KDM6B: variants seen among roughly 807,000 people sequenced by gnomAD.
KDM6B encodes lysine demethylase 6B.
A neutral mutation model predicts 150.4 loss-of-function variants in KDM6B; 22 were observed. The ratio of observed to expected loss-of-function variants is 0.15; its 90% CI spans 0.10 to 0.21. The LOEUF is 0.21. Ranked by LOEUF, KDM6B falls within the 10% of genes least tolerant of loss-of-function variation. KDM6B has a pLI of 1.00. For missense variants in KDM6B, 1,984 were observed against 2,234.3 expected (o/e 0.89, Z 2.26); for synonymous variants, 1,148 against 921.1 (o/e 1.25, Z -4.46).
chr17:7,850,173 G>A lies in KDM6B; in HGVS notation c.3669G>A (p.Arg1223=). The A allele has an allele frequency of 6.2e-6, 10 of 1,612,896 alleles. No homozygotes were observed. Among genetic ancestry groups the A allele is most frequent in the Non-Finnish European group, 8.5e-6 (10 of 1,179,544 alleles). The change falls in exon 14 of 24, where the codon CGG becomes CGA. Residue 1223 remains arginine, a synonymous_variant. Transcript: ENST00000448097. ...TCCGGGGCCTGGCGGGCTCCCTGCGGCTCAGTGAGTATGGGGGGCAGAAAG... is the reference window on the plus strand; with the variant it reads ...TCCGGGGCCTGGCGGGCTCCCTGCGACTCAGTGAGTATGGGGGGCAGAAAG... ...TVIRGLAGSL[R]LNLGLFSTKT...
chr17:7,837,674 T>C (rs2078352341), intron 1 of KDM6B, among the ~76,000 whole-genome samples: 1 of 152,172 alleles, frequency 6.6e-6, no homozygotes, highest in Non-Finnish European at 1.5e-5. Context: ...CATTTAAATA[T>C]CAACACCTAC....
chr17:7,853,406 A>G, intron 23 of KDM6B, 26 bp downstream of exon 23: 2 of 1,534,592 alleles, frequency 1.3e-6, no homozygotes, highest in Non-Finnish European at 1.7e-6. Flanking sequence ...GCGCGCGGGC[A>G]GCGGAGGAGG....
rs1175082174 is a variant in KDM6B, at chr17:7,847,280, A to G, written c.1085A>G (p.Glu362Gly). Residue 362 changes from glutamate (E) to glycine (G), a missense_variant, in exon 11 of 24, where the codon GAG becomes GGG. Coordinates refer to ENST00000448097, the MANE Select transcript of KDM6B (RefSeq NM_001348716.2). The part of the protein sequence containing the change: ...ATRPPGSDLR[E>G]SRVQRSRMDS... ...CGTCCCCCCGGAAGTGACCTTAGAG[A>G]GAGCAGAGTTCAGAGGTCGCGGATG... The G allele has an allele frequency of 6.2e-7, 1 of 1,603,372 alleles. No homozygotes were observed. The highest frequency in any genetic ancestry group is 8.5e-7 in the Non-Finnish European group (1 of 1,179,246).
chr17:7,851,910 C>T (rs1288487627), intron 18 of KDM6B, 41 bp from the exon 19 acceptor site: 2 of 1,607,924 alleles, frequency 1.2e-6, no homozygotes, highest in African/African-American at 1.3e-5. Context: ...GATCGCAGTT[C>T]CGACCTGGCC....
In KDM6B at chr17:7,844,849, C is replaced by T. The variant is rs2078497677; in HGVS notation, c.-268-52C>T. On this transcript the variant is annotated intron_variant, in intron 2 of 23. Transcript: ENST00000448097. This position sits in a 1 kb window ranked among gnomAD's most constrained non-coding sequence, Gnocchi z 5.9. ...CGTCTGACCGGCTCCCGCGCCCCTCCTCCCCCGGCCACCGCTGCCGGGCTC... is the reference window on the plus strand; with the variant it reads ...CGTCTGACCGGCTCCCGCGCCCCTCTTCCCCCGGCCACCGCTGCCGGGCTC... The T allele has an allele frequency of 6.3e-6, 1 of 158,166 alleles. No homozygotes were observed. The highest frequency in any genetic ancestry group is 1.4e-5 in the Non-Finnish European group (1 of 70,862). 9.8% of individuals were successfully genotyped at this position (158,166 alleles called of 1,614,324 possible).
chr17:7,846,004 G>C, intron 6 of KDM6B, 34 bp downstream of exon 6: 1 of 1,606,212 alleles, frequency 6.2e-7, no homozygotes, highest in African/African-American at 1.3e-5. Context: ...GGGAGTGGGA[G>C]GTAAGGCTGG....
At chr17:7,842,179 T>C (rs926690206) in intron 2 of KDM6B, among the ~76,000 whole-genome samples, 13 of 149,478 alleles carry the variant, frequency 8.7e-5, no homozygotes, top group African/African-American at 3.2e-4. Context: ...GAGAGTTAAG[T>C]GGGTGTGATT....
chr17:7,852,389 C>A, intron 20 of KDM6B, 53 bp downstream of exon 20: 1 of 1,581,488 alleles, frequency 6.3e-7, no homozygotes, highest in South Asian at 1.1e-5. Flanking sequence ...CGGCAAGGGC[C>A]TGGGAGGCTG....
At chr17:7,842,472 AGTC>A (rs1289749308) in intron 2 of KDM6B, among the ~76,000 whole-genome samples, 1 of 151,964 alleles carries the variant, frequency 6.6e-6, no homozygotes, top group Non-Finnish European at 1.5e-5. Flanking sequence ...GTCTTCGAGG[AGTC>A]TGTGGGTGTC....
chr17:7,846,585 C>T lies in KDM6B; in HGVS notation c.556C>T (p.Arg186Trp), dbSNP rs766710644. The T allele has an allele frequency of 4.3e-5, 69 of 1,613,966 alleles. No individual in the cohort carries two copies. Among genetic ancestry groups the T allele is most frequent in the Admixed American group, 1.0e-4 (6 of 60,002 alleles). The change falls in exon 9 of 24, where the codon CGG becomes TGG. Residue 186 changes from arginine to tryptophan, a missense_variant. Arg to Trp is a moderately radical substitution (Grantham distance 101). This residue lies in a region of KDM6B where 337 missense variants were observed against 323.9 expected (regional missense o/e 1.04). Transcript: ENST00000448097. The part of the protein sequence containing the change: ...VWNLLHLEHK[R>W]NYGAKRGGPP... ...TCTCTCTTTTTGTTCTCAGCACAAA[C>T]GGAACTATGGAGCCAAGCGGGGAGG...
In KDM6B at chr17:7,848,858, C is replaced by T. The variant is rs953726962; in HGVS notation, c.2570C>T (p.Ala857Val). Residue 857 changes from alanine (A) to valine (V), a missense_variant, in exon 12 of 24, where the codon GCC (alanine) becomes GTC (valine). Ala to Val is a moderately conservative substitution (Grantham distance 64, BLOSUM62 0). This residue lies in a region of KDM6B where 1,379 missense variants were observed against 1,275.6 expected (regional missense o/e 1.08). Coordinates refer to ENST00000448097, the MANE Select transcript of KDM6B (RefSeq NM_001348716.2). ...ALPPTSAAPSAQGSPQPSASS... is the reference protein window; with the variant it reads ...ALPPTSAAPSVQGSPQPSASS... ...CCGCCCACCTCAGCGGCCCCTAGCG[C>T]CCAGGGCTCCCCACAGCCCTCTGCT... 2 of 1,611,132 alleles carry T rather than the reference C, an allele frequency of 1.2e-6. No individual in the cohort carries two copies. Among genetic ancestry groups the T allele is most frequent in the African/African-American group, 1.3e-5 (1 of 74,896 alleles).
chr17:7,838,003 A>AT (rs1055682548), intron 1 of KDM6B, among the ~76,000 whole-genome samples: 12 of 150,104 alleles, frequency 8.0e-5, no homozygotes, highest in African/African-American at 2.2e-4. Flanking sequence ...CTTTAGGATT[A>AT]TTTTTTTTTC....
At chr17:7,852,923 C>A in intron 21 of KDM6B, 77 bp from the exon 22 acceptor site, 1 of 1,598,806 alleles carries the variant, frequency 6.3e-7, no homozygotes, top group South Asian at 1.1e-5. Flanking sequence ...GGGCTGCCCA[C>A]CCCTCTGCCC....
At chr17:7,846,371 G>GGGGGGGGCCCGGGGGCCCC in intron 7 of KDM6B, 29 bp from the exon 8 acceptor site, 1 of 1,488,922 alleles carries the variant, frequency 6.7e-7, no homozygotes, top group Non-Finnish European at 9.2e-7. Context: ...CCTGACATCT[G>GGGGGGGGCCCGGGGGCCCC]CCCCTGCCCC....
chr17:7,850,796 TTGAGCAGCTGCAGGA>T (rs1345639123), intron 14 of KDM6B, among the ~76,000 whole-genome samples: 3 of 152,358 alleles, frequency 2.0e-5, no homozygotes, highest in Non-Finnish European at 4.4e-5. Context: ...GGCTGAGTCC[TTGAGCAGCTGCAGGA>T]GAAAGAGGGC....
In KDM6B at chr17:7,851,704, C is replaced by A; in HGVS notation, c.4073C>A (p.Ser1358Tyr). ...CTGCCCGCCTTCATGCGGGTAACAT[C>A]CACGGGCAACATGCTGAGCCACGTG... ...LKLPAFMRVT[S>Y]TGNMLSHVGH... The change falls in exon 18 of 24, where the codon TCC becomes TAC. Residue 1358 changes from serine (S) to tyrosine (Y), a missense_variant. Physicochemically the swap from Ser to Tyr is moderately radical, Grantham distance 144. Transcript: ENST00000448097. 6.4e-7 allele frequency: 1 copy of A among 1,566,092 alleles called. No individual in the cohort carries two copies. Among genetic ancestry groups the A allele is most frequent in the Non-Finnish European group, 8.7e-7 (1 of 1,155,888 alleles).
chr17:7,839,837 G>C (rs970735626), intron 1 of KDM6B, 69 bp from the exon 2 acceptor site: 3 of 152,222 alleles, frequency 2.0e-5, no homozygotes, highest in African/African-American at 7.2e-5. Flanking sequence ...CTTAATGAGG[G>C]GGGCAGGGAG....
At position 7,847,093 on chromosome 17, in the gene KDM6B, T is replaced by G. The variant is rs1328358897; in HGVS notation, c.910-12T>G. ...CTATTCCTCATCCTGCATCCCTGTT[T>G]ATCTCCTATAGGAGCAGCGGCACTC... On this transcript the variant is annotated splice_polypyrimidine_tract_variant and intron_variant, in intron 10 of 23. Transcript: ENST00000448097. The G allele has an allele frequency of 1.9e-6, 3 of 1,612,396 alleles. No homozygotes were observed. The South Asian group carries it at 3.3e-5, about 18-fold the overall frequency.
rs1308976446 is a variant in KDM6B at position 7,848,185 on chromosome 17, T to C, written c.1897T>C (p.Ser633Pro). The change falls in exon 12 of 24, where the codon TCC becomes CCC. Residue 633 changes from serine (S) to proline (P), a missense_variant. Around this residue, in one of 13 missense-constraint regions of KDM6B, gnomAD observed 1,379 missense variants for 1,275.6 expected, o/e 1.08. Coordinates refer to ENST00000448097, the MANE Select transcript of KDM6B (RefSeq NM_001348716.2). ...RRPESPRPRV[S>P]FPKTPEVGPG... is the part of the protein sequence containing the mutation. ...CCCGGAGAGCCCCCGGCCCAGGGTC[T>C]CCTTCCCAAAGACCCCCGAGGTGGG... 6.2e-7 allele frequency: 1 copy of C among 1,612,038 alleles called. No homozygotes were observed. The highest frequency in any genetic ancestry group is 1.3e-5 in the African/African-American group (1 of 74,724).
Sources: gnomAD v4.1 joint callset for allele counts (sites outside exome capture counted in the v4.1 genomes callset) on GRCh38, gnomAD v4.1.1 for gene constraint, gnomAD v4.1.1 regional missense constraint, Gnocchi (gnomAD v3.1) non-coding constraint, MANE v1.5 for transcripts, NCBI Gene and HGNC (gene_info 2026-07-23, HGNC 2026-07-21) for gene names.